The following BRAF variants were observed in gnomAD, a reference collection of about 807,000 sequenced individuals.
BRAF encodes B-Raf proto-oncogene, serine/threonine kinase, also known as serine/threonine-protein kinase B-raf.
A neutral mutation model predicts 104.6 loss-of-function variants in BRAF; 16 were observed. The ratio of observed to expected loss-of-function variants is 0.15; its 90% CI spans 0.10 to 0.23. The LOEUF is 0.23. BRAF is among the 10% of genes least tolerant of loss of function. The pLI is 1.00. For synonymous variants in BRAF, 310 were observed against 341.6 expected, an observed-to-expected ratio of 0.91 and a Z score of 1.02; for missense variants, 541 against 937.3, an observed-to-expected ratio of 0.58 and a Z score of 5.52.
At chr7:140,885,315 T>TA (rs201631392) in intron 1 of BRAF, among the ~76,000 whole-genome samples, 4 of 150,512 alleles carry the variant, frequency 2.7e-5, no homozygotes, top group Admixed American at 6.6e-5. Context: ...AAAGTGGCTT[T>TA]AAAAAAAAAA....
chr7:140,782,545 C>T lies in BRAF; in HGVS notation c.1434+476G>A, dbSNP rs71645969. On this transcript the variant is annotated intron_variant, in intron 11 of 19. Transcript: ENST00000644969. The stretch of plus-strand genomic sequence containing the variant: ...TATTCAACAATTAGTAGCAATACTA[C>T]GGCTAAACAGTATTCGTTTTTTATT... Among the ~76,000 whole-genome samples, 1,155 of 151,256 alleles carry T rather than the reference C, an allele frequency of 7.6e-3. 18 individuals are homozygous for T. The highest frequency in any genetic ancestry group is 0.026 in the African/African-American group (1,088 of 41,258).
chr7:140,891,447 T>C (rs1419709039), intron 1 of BRAF, among the ~76,000 whole-genome samples: 1 of 152,230 alleles, frequency 6.6e-6, no homozygotes, highest in African/African-American at 2.4e-5. Context: ...ATGACTAATA[T>C]AATGTAAATG....
rs1009526008 is a variant in BRAF at position 140,841,291 on chromosome 7, G to A, written c.241-6419C>T. Among the ~76,000 whole-genome samples the A allele has an allele frequency of 3.3e-5, 5 of 152,100 alleles. 1 individual carries two copies. The highest frequency in any genetic ancestry group is 1.3e-4 in the Admixed American group (2 of 15,270). On this transcript the variant is annotated intron_variant, in intron 2 of 19. Coordinates refer to ENST00000644969, the MANE Select transcript of BRAF (RefSeq NM_001374258.1). ...TGTAACCCTCATACATTGCTGTTAG[G>A]AATACAAAATAGTGCAGCAACTTTG...
At chr7:140,803,352 C>G (rs1447143247) in intron 5 of BRAF, among the ~76,000 whole-genome samples, 1 of 152,114 alleles carries the variant, frequency 6.6e-6, no homozygotes, top group Non-Finnish European at 1.5e-5. Flanking sequence ...ACTATAAATA[C>G]AATCTACATA....
intron 10 of BRAF, among the ~76,000 whole-genome samples, chr7:140,784,104 T>C (rs1209898910): frequency 6.6e-6 from 1 of 152,114 alleles, no homozygotes; most frequent in African/African-American, 2.4e-5. Flanking sequence ...AATAGTTCTA[T>C]ATACAGAACA....
At chr7:140,717,405 G>T (rs544085113), downstream of BRAF, among the ~76,000 whole-genome samples, 28 of 152,168 alleles carry the variant, frequency 1.8e-4, no homozygotes, top group South Asian at 5.8e-3. Context: ...ACCTCAGCTG[G>T]GATCACAGGT....
chr7:140,860,475 AAAAAAAG>A (rs958168805), intron 1 of BRAF, among the ~76,000 whole-genome samples: 6 of 147,126 alleles, frequency 4.1e-5, no homozygotes, highest in East Asian at 1.9e-4. Context: ...GAAAAAAAAA[AAAAAAAG>A]AAAAAAAAGA....
intron 18 of BRAF, among the ~76,000 whole-genome samples, chr7:140,739,295 G>A (rs990137074): frequency 3.9e-5 from 6 of 152,140 alleles, no homozygotes; most frequent in African/African-American, 1.4e-4. Flanking sequence ...ATTGCAATGT[G>A]AGTGCAAAAG....
chr7:140,778,267 C>T (rs918030952), intron 12 of BRAF, among the ~76,000 whole-genome samples, 192 bp from the exon 12 acceptor site: 1 of 152,116 alleles, frequency 6.6e-6, no homozygotes, highest in Non-Finnish European at 1.5e-5. Context: ...AATGATATTC[C>T]TGTACTAGTA....
chr7:140,842,182 C>T (rs959679557), intron 2 of BRAF, among the ~76,000 whole-genome samples: 2 of 152,180 alleles, frequency 1.3e-5, no homozygotes, highest in Non-Finnish European at 2.9e-5. Context: ...AAGAATGATA[C>T]GGTGATTAAA....
At chr7:140,799,245 A>G (rs1007195439) in intron 7 of BRAF, 1 of 230,562 alleles carries the variant, frequency 4.3e-6, no homozygotes, top group African/African-American at 2.2e-5. Context: ...ATGAATATCT[A>G]TCCCTTTTCC....
intron 17 of BRAF, chr7:140,740,897 T>C (rs1029440582): frequency 6.6e-6 from 1 of 152,164 alleles, no homozygotes; most frequent in African/African-American, 2.4e-5. Flanking sequence ...AGTTACTGAA[T>C]TGAGGGGATT....
At chr7:140,767,296 G>A (rs1799428415) in intron 14 of BRAF, among the ~76,000 whole-genome samples, 1 of 152,090 alleles carries the variant, frequency 6.6e-6, no homozygotes. Context: ...GAACCACCGT[G>A]CCCAGCCAAA....
chr7:140,908,864 A>G (rs1206321570), intron 1 of BRAF, among the ~76,000 whole-genome samples: 1 of 151,090 alleles, frequency 6.6e-6, no homozygotes, highest in Non-Finnish European at 1.5e-5. Flanking sequence ...ACTTGTACAG[A>G]TTGGCAACTG....
chr7:140,900,190 G>A lies in BRAF; in HGVS notation c.138+24376C>T, dbSNP rs566587238. 1.1e-4 allele frequency among the ~76,000 whole-genome samples: 16 copies of A among 152,346 alleles called. No homozygotes were observed. In the South Asian group the frequency reaches 1.4e-3, roughly 14 times the overall value. ...AGATAACTAATAGTGTGTGTTATAAGTATCTTCTATTCCTTGCCTTGCCTT... is the reference window on the plus strand; with the variant it reads ...AGATAACTAATAGTGTGTGTTATAAATATCTTCTATTCCTTGCCTTGCCTT... On this transcript the variant is annotated intron_variant, in intron 1 of 19. Coordinates refer to ENST00000644969, the MANE Select transcript of BRAF (RefSeq NM_001374258.1).
intron 15 of BRAF, chr7:140,753,696 C>A: frequency 3.1e-6 from 1 of 321,100 alleles, no homozygotes; most frequent in Non-Finnish European, 5.9e-6. Flanking sequence ...GCAATGTAGG[C>A]CCAGATATTC....
At chr7:140,826,648 T>C (rs766084173) in intron 3 of BRAF, among the ~76,000 whole-genome samples, 1 of 152,212 alleles carries the variant, frequency 6.6e-6, no homozygotes, top group Non-Finnish European at 1.5e-5. Context: ...CTCTGAGCGA[T>C]ATACTTCAGA....
chr7:140,867,367 T>C (rs1021258168), intron 1 of BRAF, among the ~76,000 whole-genome samples: 2 of 152,214 alleles, frequency 1.3e-5, no homozygotes, highest in African/African-American at 4.8e-5. Context: ...GTTAGAACTT[T>C]AAGATAATTC....
In BRAF at chr7:140,850,242, A is replaced by C. The variant is rs1809015306; in HGVS notation, c.139-30T>G. The C allele has an allele frequency of 2.0e-6, 3 of 1,480,814 alleles. No individual in the cohort carries two copies. The East Asian group carries it at 6.8e-5, about 34-fold the overall frequency. The allele number at this position is 1,480,814 out of a possible 1,614,324, so 91.7% of individuals were successfully genotyped here. Reference sequence around the variant, plus strand: ...AAAATATTTCAAAAGAATTTAAATAAAAATCACTTAGTATATGAATTAGAA... The same window carrying C: ...AAAATATTTCAAAAGAATTTAAATACAAATCACTTAGTATATGAATTAGAA... On this transcript the variant is annotated intron_variant, in intron 1 of 19. Transcript: ENST00000644969.
Sources: gnomAD v4.1 joint callset for allele counts (sites outside exome capture counted in the v4.1 genomes callset) on GRCh38, gnomAD v4.1.1 for gene constraint, MANE v1.5 for transcripts, NCBI Gene and HGNC (gene_info 2026-07-23, HGNC 2026-07-21) for gene names.